Variants in GLIS3 observed in about 807,000 individuals in gnomAD.
GLIS3 encodes the protein GLIS family zinc finger 3, also known as zinc finger protein GLIS3.
GLIS3 carries 53 observed loss-of-function variants against 78.6 expected under a neutral mutation model. That is an observed-to-expected ratio of 0.67 (90% CI 0.54 to 0.85). The LOEUF is 0.85. Among genes scored for constraint, GLIS3 ranks in the 40% least tolerant of loss-of-function variants. The pLI is 0.00. For missense variants in GLIS3, 1,703 were observed against 1,231.1 expected, an observed-to-expected ratio of 1.38 and a Z score of -5.74; for synonymous variants, 684 against 509.9, an observed-to-expected ratio of 1.34 and a Z score of -4.60.
the GLIS3 span, among the ~76,000 whole-genome samples, chr9:4,449,479 C>T: frequency 1.7e-4 from 26 of 152,218 alleles, no homozygotes; most frequent in African/African-American, 6.3e-4. Flanking sequence ...GTTCTACCAG[C>T]ATGGTGTTCA....
At chr9:4,413,087 C>T in the GLIS3 span, among the ~76,000 whole-genome samples, 7 of 152,302 alleles carry the variant, frequency 4.6e-5, no homozygotes, top group Non-Finnish European at 8.8e-5. Context: ...ATACAACATG[C>T]TCAATAGATG....
At chr9:3,879,297 A>G (rs1039508338) in intron 8 of GLIS3, 130 bp downstream of exon 8, 12 of 863,590 alleles carry the variant, frequency 1.4e-5, no homozygotes, top group Non-Finnish European at 2.4e-5. Context: ...ATGTACTTTT[A>G]AAATGTCACC....
chr9:4,197,946 G>GGGAGAGGGAA (rs1300292557), intron 2 of GLIS3, among the ~76,000 whole-genome samples: 2 of 138,142 alleles, frequency 1.4e-5, no homozygotes, highest in South Asian at 5.6e-4. Flanking sequence ...GAGAGGGAAA[G>GGGAGAGGGAA]AGAAAGAGAC....
chr9:4,351,477 A>C (rs1465657672), upstream of GLIS3, among the ~76,000 whole-genome samples: 1 of 152,124 alleles, frequency 6.6e-6, no homozygotes, highest in African/African-American at 2.4e-5. Flanking sequence ...GTTCATTACA[A>C]AAGTTTAGAA....
chr9:4,076,644 C>G (rs1319897772), intron 4 of GLIS3, among the ~76,000 whole-genome samples: 1 of 152,182 alleles, frequency 6.6e-6, no homozygotes, highest in Non-Finnish European at 1.5e-5. Context: ...TACACATCCT[C>G]CAGTCTTTCT....
intron 8 of GLIS3, 21 bp downstream of exon 8, chr9:3,879,406 G>A: frequency 6.2e-7 from 1 of 1,612,576 alleles, no homozygotes; most frequent in Non-Finnish European, 8.5e-7. Flanking sequence ...CCTATTAGGA[G>A]AGAGAGACAG....
intron 9 of GLIS3, among the ~76,000 whole-genome samples, chr9:3,846,997 A>C (rs1171092127): frequency 6.6e-6 from 1 of 152,158 alleles, no homozygotes; most frequent in East Asian, 1.9e-4. Flanking sequence ...CAGTCTGGCC[A>C]ACATGGCAAA....
chr9:4,041,800 T>C (rs1384419040), intron 4 of GLIS3, among the ~76,000 whole-genome samples: 1 of 152,176 alleles, frequency 6.6e-6, no homozygotes, highest in Non-Finnish European at 1.5e-5. Flanking sequence ...GAGTCACTAT[T>C]TCCTTAAAAG....
intron 1 of GLIS3, among the ~76,000 whole-genome samples, chr9:4,297,904 C>T (rs530515157): frequency 6.6e-5 from 10 of 152,146 alleles, no homozygotes; most frequent in African/African-American, 2.4e-4. Context: ...GGACTGGCTT[C>T]GCTGCCGGGG....
chr9:4,269,155 G>A (rs1826279630), intron 2 of GLIS3, among the ~76,000 whole-genome samples: 1 of 152,156 alleles, frequency 6.6e-6, no homozygotes, highest in Admixed American at 6.5e-5. Context: ...TGTGAAACAT[G>A]TTAAAATGTC....
chr9:4,350,632 A>C (rs1817957035), upstream of GLIS3, among the ~76,000 whole-genome samples: 1 of 152,214 alleles, frequency 6.6e-6, no homozygotes, highest in Non-Finnish European at 1.5e-5. Context: ...TCCAGAATCC[A>C]AAATGTTAAA....
intron 2 of GLIS3, among the ~76,000 whole-genome samples, chr9:4,242,423 G>A (rs1230001645): frequency 6.6e-6 from 1 of 152,102 alleles, no homozygotes; most frequent in Non-Finnish European, 1.5e-5. Context: ...GGCTCTATAG[G>A]AATCCAGCTG....
At chr9:4,441,431 A>G in the GLIS3 span, among the ~76,000 whole-genome samples, 1 of 152,150 alleles carries the variant, frequency 6.6e-6, no homozygotes, top group Non-Finnish European at 1.5e-5. Context: ...TTAATGAATC[A>G]CATTTATTGA....
chr9:3,998,911 A>G (rs1302836641), intron 4 of GLIS3, among the ~76,000 whole-genome samples: 1 of 151,862 alleles, frequency 6.6e-6, no homozygotes, highest in Non-Finnish European at 1.5e-5. Context: ...CAACCTTTTT[A>G]TTACCTTCTG....
intron 2 of GLIS3, among the ~76,000 whole-genome samples, chr9:4,180,088 G>C (rs1817168787): frequency 6.6e-6 from 1 of 152,066 alleles, no homozygotes; most frequent in African/African-American, 2.4e-5. Flanking sequence ...AGTTATCAAT[G>C]GTTACCTATG....
At chr9:4,149,975 G>A (rs1450745655) in intron 2 of GLIS3, among the ~76,000 whole-genome samples, 4 of 152,196 alleles carry the variant, frequency 2.6e-5, no homozygotes, top group Non-Finnish European at 4.4e-5. Flanking sequence ...TCTTGAATGC[G>A]CACAGTTCAT....
intron 2 of GLIS3, among the ~76,000 whole-genome samples, chr9:4,328,607 T>C (rs1817637175): frequency 6.6e-6 from 1 of 152,186 alleles, no homozygotes; most frequent in African/African-American, 2.4e-5. Context: ...AACCAAATCA[T>C]GATTATGTAT....
intron 4 of GLIS3, among the ~76,000 whole-genome samples, chr9:3,972,708 CTCTT>C (rs1187666890): frequency 3.9e-5 from 6 of 152,142 alleles, no homozygotes; most frequent in African/African-American, 7.2e-5. Flanking sequence ...TATGTGAAAA[CTCTT>C]TCTATCTGTG....
chr9:4,437,955 G>A, the GLIS3 span, among the ~76,000 whole-genome samples: 2 of 152,118 alleles, frequency 1.3e-5, no homozygotes, highest in Non-Finnish European at 2.9e-5. Flanking sequence ...TACTAACAAG[G>A]CTTCTGTTCA....
Sources: gnomAD v4.1 joint callset for allele counts (sites outside exome capture counted in the v4.1 genomes callset) on GRCh38, gnomAD v4.1.1 for gene constraint, MANE v1.5 for transcripts, NCBI Gene and HGNC (gene_info 2026-07-23, HGNC 2026-07-21) for gene names.